The following FABP6 variants were observed in gnomAD, a reference collection of about 807,000 sequenced individuals.
FABP6 encodes fatty acid binding protein 6, also known as gastrotropin.
Under a neutral mutation model 14.9 loss-of-function variants are expected in FABP6, and 13 were observed. The ratio of observed to expected loss-of-function variants is 0.87; its 90% CI spans 0.57 to 1.39. The LOEUF (loss-of-function observed/expected upper bound fraction) is 1.39, where lower values mean the gene tolerates loss of function less well. FABP6 is among the 40% of genes most tolerant of loss of function. The probability of loss-of-function intolerance (pLI) is 0.00; values close to 1 mark genes in which losing one functional copy is unlikely to be tolerated. For synonymous variants in FABP6, 75 were observed against 63.6 expected, an observed-to-expected ratio of 1.18 and a Z score of -0.85; for missense variants, 161 against 167.2, an observed-to-expected ratio of 0.96 and a Z score of 0.20.
chr5:160,236,016 G>GT (rs370153866), intron 3 of FABP6, among the ~76,000 whole-genome samples: 9,649 of 126,732 alleles, frequency 0.076, 432 homozygotes, highest in Non-Finnish European at 0.11. Context: ...TCTCATGTCT[G>GT]TTTTTTTTTT....
At chr5:160,213,832 A>G (rs765796360) in intron 3 of FABP6, 7 of 1,608,736 alleles carry the variant, frequency 4.4e-6, no homozygotes, top group Non-Finnish European at 5.1e-6. Context: ...ATGGGGTAGA[A>G]GAAGGGAGGG....
chr5:160,224,187 GAT>G (rs1349645758), intron 3 of FABP6, among the ~76,000 whole-genome samples: 1 of 152,112 alleles, frequency 6.6e-6, no homozygotes, highest in Non-Finnish European at 1.5e-5. Context: ...AGTGAACTGA[GAT>G]AGCGCCACTG....
intron 3 of FABP6, among the ~76,000 whole-genome samples, chr5:160,238,120 C>A (rs557751994): frequency 3.3e-5 from 5 of 152,154 alleles, no homozygotes; most frequent in Non-Finnish European, 7.3e-5. Context: ...GCATCCCCCC[C>A]GCCTGCCTCT....
At chr5:160,193,521 A>G (rs1353807632) in intron 1 of FABP6, among the ~76,000 whole-genome samples, 4 of 152,058 alleles carry the variant, frequency 2.6e-5, no homozygotes, top group Admixed American at 6.6e-5. Context: ...GGTAGAGCCG[A>G]GTGGCCTGTT....
chr5:160,195,178 A>G (rs1759484137), intron 1 of FABP6, among the ~76,000 whole-genome samples: 1 of 149,006 alleles, frequency 6.7e-6, no homozygotes, highest in Non-Finnish European at 1.5e-5. Flanking sequence ...CCAGCTACTC[A>G]GGAGGCTGAG....
At chr5:160,207,469 G>C (rs144428892) in intron 2 of FABP6, among the ~76,000 whole-genome samples, 15 of 152,262 alleles carry the variant, frequency 9.9e-5, no homozygotes, top group Middle Eastern at 3.4e-3. Flanking sequence ...TAACAGAGAG[G>C]AGTTACCAAG....
At chr5:160,213,109 C>T (rs963671003) in intron 2 of FABP6, among the ~76,000 whole-genome samples, 28 of 152,164 alleles carry the variant, frequency 1.8e-4, no homozygotes, top group Non-Finnish European at 2.6e-4. Flanking sequence ...CCCTCACGGT[C>T]GAGATGGTTG....
chr5:160,228,085 G>T (rs914715407), upstream of FABP6, among the ~76,000 whole-genome samples: 13 of 152,108 alleles, frequency 8.5e-5, no homozygotes, highest in African/African-American at 3.1e-4. Context: ...ACGTGCAGAG[G>T]TTTCCTGAAT....
intron 3 of FABP6, among the ~76,000 whole-genome samples, chr5:160,236,554 C>T (rs112939054): frequency 6.6e-6 from 1 of 152,250 alleles, no homozygotes; most frequent in African/African-American, 2.4e-5. Flanking sequence ...AGGGACTTGG[C>T]CGTGGCCACA....
intron 2 of FABP6, among the ~76,000 whole-genome samples, chr5:160,211,507 G>GT: frequency 6.6e-6 from 1 of 152,272 alleles, no homozygotes; most frequent in Middle Eastern, 3.4e-3. Flanking sequence ...GGACACCCCA[G>GT]TACAGAGGTT....
At position 160,212,758 on chromosome 5, in the gene FABP6, C is replaced by T. The variant is rs371498430; in HGVS notation, c.52-978C>T. On this transcript the variant is annotated intron_variant, in intron 2 of 6. Coordinates refer to the FABP6 transcript ENST00000393980. ...TGTTGGGATTACAGGTGTGAGCCACCGTGCCCGGCCACAACTGGCTAATTT... is the reference window on the plus strand; with the variant it reads ...TGTTGGGATTACAGGTGTGAGCCACTGTGCCCGGCCACAACTGGCTAATTT... Among the ~76,000 whole-genome samples the T allele has an allele frequency of 4.2e-3, 632 of 152,232 alleles. 5 individuals carry two copies. Among genetic ancestry groups the T allele is most frequent in the African/African-American group, 0.015 (613 of 41,546 alleles).
At chr5:160,207,967 G>A (rs1759805364) in intron 2 of FABP6, among the ~76,000 whole-genome samples, 2 of 152,048 alleles carry the variant, frequency 1.3e-5, no homozygotes, top group Admixed American at 1.3e-4. Context: ...CAGGTGATCT[G>A]CCCGCCTTGG....
At chr5:160,199,936 C>A (rs1391340619) in intron 2 of FABP6, among the ~76,000 whole-genome samples, 5 of 152,210 alleles carry the variant, frequency 3.3e-5, no homozygotes, top group Admixed American at 3.3e-4. Context: ...ATCCCTCCCA[C>A]CTACCCCAGC....
In FABP6 at chr5:160,238,457, A is replaced by G. The variant is rs1025069038; in HGVS notation, c.334-149A>G. 1.4e-5 allele frequency: 9 copies of G among 640,028 alleles called. No individual in the cohort carries two copies. In the African/African-American group the frequency reaches 1.4e-4, roughly 10 times the overall value. The allele number at this position is 640,028 out of a possible 1,614,324, so 39.6% of individuals were successfully genotyped here. On this transcript the variant is annotated intron_variant, in intron 3 of 3. Transcript: ENST00000402432. Reference sequence around the variant, plus strand: ...GGGAGTCTTCACACTGACTCCTGGAACAAATTGGGAAACTGAGGCCGAAAG... The same window carrying G: ...GGGAGTCTTCACACTGACTCCTGGAGCAAATTGGGAAACTGAGGCCGAAAG...
At chr5:160,204,498 G>T (rs112288338) in intron 2 of FABP6, among the ~76,000 whole-genome samples, 2 of 150,866 alleles carry the variant, frequency 1.3e-5, no homozygotes, top group South Asian at 2.1e-4. Flanking sequence ...TCCTTTTTTA[G>T]GGGGGGTGGG....
At chr5:160,198,896 G>T in intron 1 of FABP6, 2 of 577,706 alleles carry the variant, frequency 3.5e-6, no homozygotes, top group East Asian at 5.7e-5. Context: ...TTCCTGGAGG[G>T]CAGGGACCTC....
intron 3 of FABP6, among the ~76,000 whole-genome samples, chr5:160,218,791 T>TTCTG (rs1760072264): frequency 6.6e-6 from 1 of 150,402 alleles, no homozygotes. Context: ...TGGGGTCTCA[T>TTCTG]TCTGTCACCC....
intron 1 of FABP6, among the ~76,000 whole-genome samples, chr5:160,188,543 G>A (rs1759334641): frequency 6.6e-6 from 1 of 152,132 alleles, no homozygotes; most frequent in South Asian, 2.1e-4. Context: ...GGGAGAGGCC[G>A]CCGCCGCGCG....
At chr5:160,222,053 T>TCAAATTTA (rs1166943287) in intron 3 of FABP6, among the ~76,000 whole-genome samples, 1 of 151,938 alleles carries the variant, frequency 6.6e-6, no homozygotes. Context: ...ATAGGTAGCT[T>TCAAATTTA]CAAATTTATT....
Sources: allele counts gnomAD v4.1 joint callset (sites outside exome capture counted in the v4.1 genomes callset), GRCh38; gene constraint gnomAD v4.1.1; transcripts MANE v1.5; gene names NCBI Gene and HGNC (gene_info 2026-07-23, HGNC 2026-07-21).